WWOX: variants seen among roughly 807,000 people sequenced by gnomAD.
WWOX encodes WW domain containing oxidoreductase.
WWOX carries 69 observed loss-of-function variants against 46.2 expected under a neutral mutation model. The observed-to-expected ratio is 1.49, with a 90% CI of 1.23 to 1.82. The LOEUF is 1.82. WWOX is among the 40% of genes most tolerant of loss of function. The pLI, the probability that WWOX is intolerant of heterozygous loss-of-function variation, is 0.00. For synonymous variants in WWOX, 359 were observed against 202.6 expected, an observed-to-expected ratio of 1.77 and a Z score of -6.56; for missense variants, 919 against 542.6, an observed-to-expected ratio of 1.69 and a Z score of -6.89.
intron 8 of WWOX, among the ~76,000 whole-genome samples, chr16:78,812,454 G>T (rs1241968298): frequency 1.3e-5 from 2 of 152,026 alleles, no homozygotes; most frequent in African/African-American, 4.8e-5. Context: ...GGGCATGGTG[G>T]CTCCTGCCTG....
At chr16:78,625,763 T>G (rs977978654) in intron 8 of WWOX, among the ~76,000 whole-genome samples, 1 of 142,534 alleles carries the variant, frequency 7.0e-6, no homozygotes, top group African/African-American at 2.6e-5. Context: ...ATTTGCCAAT[T>G]ACTTTTGCAG....
At chr16:78,681,993 G>T (rs1256268211) in intron 8 of WWOX, among the ~76,000 whole-genome samples, 1 of 152,184 alleles carries the variant, frequency 6.6e-6, no homozygotes, top group Non-Finnish European at 1.5e-5. Flanking sequence ...TCAGACCACA[G>T]TTGGAGCAGT....
chr16:78,221,457 C>T (rs878894092), intron 5 of WWOX, among the ~76,000 whole-genome samples: 1 of 152,140 alleles, frequency 6.6e-6, no homozygotes, highest in Non-Finnish European at 1.5e-5. Flanking sequence ...AAAGCAATCT[C>T]CTATTTCCAT....
chr16:78,947,122 A>G (rs2045964671), intron 8 of WWOX, among the ~76,000 whole-genome samples: 1 of 152,082 alleles, frequency 6.6e-6, no homozygotes, highest in African/African-American at 2.4e-5. Context: ...AAGAGGGGGA[A>G]AAAGGAATGC....
At chr16:78,892,545 T>C (rs2044613692) in intron 8 of WWOX, among the ~76,000 whole-genome samples, 1 of 152,242 alleles carries the variant, frequency 6.6e-6, no homozygotes, top group Non-Finnish European at 1.5e-5. Flanking sequence ...GACAACATTC[T>C]TGTTCAGAGC....
intron 8 of WWOX, among the ~76,000 whole-genome samples, chr16:78,454,730 C>T (rs1185213013): frequency 6.6e-6 from 1 of 152,162 alleles, no homozygotes; most frequent in African/African-American, 2.4e-5. Context: ...CTCTCAACGT[C>T]AGGTGATCCA....
intron 8 of WWOX, among the ~76,000 whole-genome samples, chr16:78,692,570 G>T (rs374289286): frequency 3.3e-5 from 5 of 152,124 alleles, no homozygotes; most frequent in Non-Finnish European, 7.3e-5. Context: ...ATTTATAGAC[G>T]TTCCTCTCTG....
intron 5 of WWOX, among the ~76,000 whole-genome samples, chr16:78,241,971 A>C (rs1043236345): frequency 3.9e-5 from 6 of 152,316 alleles, no homozygotes; most frequent in African/African-American, 1.4e-4. Flanking sequence ...GTTTTGGGTG[A>C]ATTCCCCATA....
At chr16:78,215,685 T>G (rs998270505) in intron 5 of WWOX, among the ~76,000 whole-genome samples, 1 of 152,122 alleles carries the variant, frequency 6.6e-6, no homozygotes, top group Non-Finnish European at 1.5e-5. Context: ...CCCAGCACTT[T>G]AGGAGGCCGA....
chr16:78,633,194 A>G (rs1323652599), intron 8 of WWOX, among the ~76,000 whole-genome samples: 1 of 152,110 alleles, frequency 6.6e-6, no homozygotes, highest in Non-Finnish European at 1.5e-5. Context: ...CCTGGGAGGC[A>G]GAGGTTGCAG....
intron 8 of WWOX, among the ~76,000 whole-genome samples, chr16:78,499,606 C>T (rs1192860283): frequency 1.3e-5 from 2 of 152,226 alleles, no homozygotes; most frequent in Non-Finnish European, 2.9e-5. Context: ...TTTGCCGGCT[C>T]TTAGTGTAGA....
At chr16:78,761,586 C>T (rs373687904) in intron 8 of WWOX, among the ~76,000 whole-genome samples, 6 of 152,076 alleles carry the variant, frequency 3.9e-5, no homozygotes, top group African/African-American at 1.2e-4. Context: ...TCAGGACTCT[C>T]GCTGGTCTAG....
intron 5 of WWOX, among the ~76,000 whole-genome samples, chr16:78,166,382 C>A (rs534113130): frequency 6.6e-6 from 1 of 152,098 alleles, no homozygotes; most frequent in African/African-American, 2.4e-5. Context: ...GTCTTTCTTA[C>A]GATATCATCT....
intron 8 of WWOX, among the ~76,000 whole-genome samples, chr16:78,959,739 C>T (rs1381767901): frequency 2.0e-5 from 3 of 152,174 alleles, no homozygotes; most frequent in Non-Finnish European, 4.4e-5. Flanking sequence ...GGAGCCTTTC[C>T]ATGACCAAAT....
At chr16:78,325,956 ATCATT>A (rs1255663214) in intron 5 of WWOX, among the ~76,000 whole-genome samples, 2 of 152,364 alleles carry the variant, frequency 1.3e-5, no homozygotes, top group African/African-American at 4.8e-5. Context: ...CACATACAAC[ATCATT>A]TCATTTTCAC....
chr16:78,574,671 A>G (rs140675221), intron 8 of WWOX, among the ~76,000 whole-genome samples: 1 of 152,042 alleles, frequency 6.6e-6, no homozygotes, highest in Non-Finnish European at 1.5e-5. Flanking sequence ...CCTGAAGGAC[A>G]TTATGTTAAG....
chr16:78,722,357 C>T (rs1330426675), intron 8 of WWOX, among the ~76,000 whole-genome samples: 1 of 152,094 alleles, frequency 6.6e-6, no homozygotes, highest in Non-Finnish European at 1.5e-5. Context: ...AAATGGAGAT[C>T]GCAGTATCTA....
chr16:78,426,685 CA>C (rs2083086493), intron 7 of WWOX, among the ~76,000 whole-genome samples: 1 of 151,974 alleles, frequency 6.6e-6, no homozygotes, highest in African/African-American at 2.4e-5. Context: ...TATTATTTGA[CA>C]TGGAGTCTTG....
intron 8 of WWOX, among the ~76,000 whole-genome samples, chr16:78,912,822 G>T (rs957313980): frequency 2.0e-5 from 3 of 151,910 alleles, no homozygotes; most frequent in Non-Finnish European, 4.4e-5. Flanking sequence ...GATATACAAG[G>T]TTCTCCCTCA....
Sources: gnomAD v4.1 joint callset for allele counts (sites outside exome capture counted in the v4.1 genomes callset) on GRCh38, gnomAD v4.1.1 for gene constraint, MANE v1.5 for transcripts, NCBI Gene and HGNC (gene_info 2026-07-23, HGNC 2026-07-21) for gene names.